The following ITGB1BP1 variants were observed in gnomAD, a reference collection of about 807,000 sequenced individuals.
ITGB1BP1 encodes integrin beta-1-binding protein 1.
A neutral mutation model predicts 28.0 loss-of-function variants in ITGB1BP1; 20 were observed. The ratio of observed to expected loss-of-function variants is 0.71; its 90% CI spans 0.50 to 1.04. The LOEUF (loss-of-function observed/expected upper bound fraction) is 1.04, where lower values mean the gene tolerates loss of function less well. ITGB1BP1 is among the 50% of genes least tolerant of loss of function. The probability of loss-of-function intolerance (pLI) is 0.00; values close to 1 mark genes in which losing one functional copy is unlikely to be tolerated. For missense variants in ITGB1BP1, 228 were observed against 242.5 expected (o/e 0.94, Z 0.40); for synonymous variants, 103 against 89.5 (o/e 1.15, Z -0.85).
chr2:9,419,240 C>A (rs533125906), intron 1 of ITGB1BP1, among the ~76,000 whole-genome samples: 1 of 152,348 alleles, frequency 6.6e-6, no homozygotes, highest in Non-Finnish European at 1.5e-5. Flanking sequence ...TCTTGTCCTA[C>A]AGGTGTGAAA....
At chr2:9,422,755 G>A in intron 1 of ITGB1BP1, 1 of 985,640 alleles carries the variant, frequency 1.0e-6, no homozygotes, top group East Asian at 1.1e-4. Flanking sequence ...CACGTGCCAT[G>A]CACGGTGCTA....
At chr2:9,411,993 G>A in intron 4 of ITGB1BP1, 1 of 292,062 alleles carries the variant, frequency 3.4e-6, no homozygotes, top group South Asian at 4.7e-5. Context: ...AGTGAGCCGA[G>A]ATTGCACCAC....
At chr2:9,413,707 T>C (rs951284226) in intron 3 of ITGB1BP1, among the ~76,000 whole-genome samples, 1 of 152,116 alleles carries the variant, frequency 6.6e-6, no homozygotes, top group Non-Finnish European at 1.5e-5. Flanking sequence ...CCTTAATTAC[T>C]TGTGTTGGTG....
chr2:9,418,589 C>T (rs1679430001), intron 2 of ITGB1BP1, 37 bp downstream of exon 2: 1 of 1,396,082 alleles, frequency 7.2e-7, no homozygotes, highest in African/African-American at 1.4e-5. Context: ...AAAACTCTCC[C>T]TGCTTTATGA....
intron 2 of ITGB1BP1, among the ~76,000 whole-genome samples, chr2:9,416,966 CA>C (rs1679217739): frequency 6.6e-6 from 1 of 152,066 alleles, no homozygotes; most frequent in Non-Finnish European, 1.5e-5. Context: ...CCATGAGTGC[CA>C]CCTCAAACTC....
chr2:9,407,933 G>A (rs1329817011), intron 5 of ITGB1BP1, 180 bp downstream of exon 5: 4 of 589,994 alleles, frequency 6.8e-6, no homozygotes, highest in African/African-American at 3.7e-5. Context: ...TCCAACACAG[G>A]AGAGAAAAGG....
chr2:9,418,756 A>C, intron 1 of ITGB1BP1, 24 bp from the exon 2 acceptor site: 1 of 1,483,584 alleles, frequency 6.7e-7, no homozygotes, highest in Non-Finnish European at 9.3e-7. Context: ...TATTGGTAAC[A>C]GTTACATCGG....
intron 2 of ITGB1BP1, among the ~76,000 whole-genome samples, chr2:9,417,597 T>G (rs1298623501): frequency 6.6e-6 from 1 of 152,104 alleles, no homozygotes; most frequent in Non-Finnish European, 1.5e-5. Flanking sequence ...TTTTGTATTT[T>G]TAGCAGAGAT....
intron 4 of ITGB1BP1, among the ~76,000 whole-genome samples, chr2:9,411,021 C>T (rs1480020768): frequency 6.6e-6 from 1 of 152,168 alleles, no homozygotes; most frequent in Non-Finnish European, 1.5e-5. Flanking sequence ...TCTAGAAACT[C>T]CAGAAGCAAT....
chr2:9,408,121 C>G lies in ITGB1BP1; in HGVS notation c.373G>C (p.Asp125His). The change falls in exon 5 of 7, where the codon GAT becomes CAT. Residue 125 changes from aspartate to histidine, a missense_variant. Transcript: ENST00000355346. ...SKYGIKVSTS[D>H]QYDVLHRHAL... ...TAAATTATATTACTTACATATTGAT[C>G]TGATGTTGATACTTTTATGCCATAC... The G allele has an allele frequency of 6.6e-7, 1 of 1,507,846 alleles. No individual in the cohort carries two copies. The highest frequency in any genetic ancestry group is 1.1e-5 in the South Asian group (1 of 88,226). 93.4% of individuals were successfully genotyped at this position (1,507,846 alleles called of 1,614,324 possible). A position where few individuals can be genotyped will look rare whatever the true frequency, so the allele number is the denominator to read the frequency against.
At chr2:9,409,835 T>A (rs1057009874) in intron 4 of ITGB1BP1, among the ~76,000 whole-genome samples, 1 of 148,756 alleles carries the variant, frequency 6.7e-6, no homozygotes, top group Non-Finnish European at 1.5e-5. Flanking sequence ...CAAACTACCG[T>A]GAGTTCTTTT....
At position 9,403,508 on chromosome 2, in the gene ITGB1BP1, T is replaced by C. The variant is rs1676928751; in HGVS notation, c.*3326A>G. The C allele has an allele frequency of 3.5e-6, 2 of 572,104 alleles. No individual in the cohort carries two copies. The highest frequency in any genetic ancestry group is 6.0e-6 in the Non-Finnish European group (2 of 330,706). The allele number at this position is 572,104 out of a possible 1,614,324, so 35.4% of individuals were successfully genotyped here. ...TATCAGTAATTGTTTTTATAATTTGTGGTTTTCATGAAACATTGCTATGCA... is the reference window on the plus strand; with the variant it reads ...TATCAGTAATTGTTTTTATAATTTGCGGTTTTCATGAAACATTGCTATGCA... On this transcript the variant is annotated 3_prime_UTR_variant, in exon 7 of 7. Coordinates refer to ENST00000355346, the MANE Select transcript of ITGB1BP1 (RefSeq NM_004763.5).
chr2:9,410,490 G>A (rs1458683535), intron 4 of ITGB1BP1, among the ~76,000 whole-genome samples: 1 of 152,158 alleles, frequency 6.6e-6, no homozygotes, highest in African/African-American at 2.4e-5. Context: ...CAGGGCTGGA[G>A]TGCAGTGGCA....
Position 9,418,769 on chromosome 2 carries a change from A to T in ITGB1BP1, c.-35-37T>A. 3.4e-6 allele frequency: 5 copies of T among 1,459,302 alleles called. No homozygotes were observed. The South Asian group carries it at 5.9e-5, about 17-fold the overall frequency. The allele number at this position is 1,459,302 out of a possible 1,614,324, so 90.4% of individuals were successfully genotyped here. ...AATATTGGTAACAGTTACATCGGGA[A>T]AAGCAACTTTTTTTTTTTTTTTTTT... On this transcript the variant is annotated intron_variant, in intron 1 of 6. Coordinates refer to ENST00000355346, the MANE Select transcript of ITGB1BP1 (RefSeq NM_004763.5).
At chr2:9,416,363 G>A (rs996214004) in intron 2 of ITGB1BP1, among the ~76,000 whole-genome samples, 7 of 151,980 alleles carry the variant, frequency 4.6e-5, no homozygotes, top group African/African-American at 7.3e-5. Context: ...TGAGATTAAC[G>A]TCTACACCAG....
At chr2:9,411,884 A>G (rs1485159202) in intron 4 of ITGB1BP1, among the ~76,000 whole-genome samples, 4 of 151,766 alleles carry the variant, frequency 2.6e-5, no homozygotes, top group Admixed American at 1.3e-4. Flanking sequence ...CTCTACTGAA[A>G]ATACAAAATT....
chr2:9,423,175 C>A lies in ITGB1BP1; in HGVS notation c.-36+198G>T, dbSNP rs532081494. The A allele has an allele frequency of 1.5e-4, 145 of 982,278 alleles. 2 individuals carry two copies. In the East Asian group the frequency reaches 9.1e-3, roughly 62 times the overall value. 60.8% of individuals were successfully genotyped at this position (982,278 alleles called of 1,614,324 possible). A position where few individuals can be genotyped will look rare whatever the true frequency, so the allele number is the denominator to read the frequency against. On this transcript the variant is annotated intron_variant, in intron 1 of 6. Transcript: ENST00000355346. ...TGCAGTCCGCAAGCCCACGCCCGAT[C>A]TGCGTGGTTCCAAGCTCCTCCACCC...
At chr2:9,417,128 T>C (rs1679239949) in intron 2 of ITGB1BP1, among the ~76,000 whole-genome samples, 1 of 151,994 alleles carries the variant, frequency 6.6e-6, no homozygotes, top group Non-Finnish European at 1.5e-5. Flanking sequence ...AAAACTTATA[T>C]AATATTCTGT....
rs1676939841 is a variant in ITGB1BP1, at chr2:9,403,628, A to T, written c.*3206T>A. 3.3e-6 allele frequency: 1 copy of T among 305,390 alleles called. No individual in the cohort carries two copies. Among genetic ancestry groups the T allele is most frequent in the Admixed American group, 4.8e-5 (1 of 20,948 alleles). The allele number at this position is 305,390 out of a possible 1,614,324, so 18.9% of individuals were successfully genotyped here. ...GATCCTGCCTCTACGGAATTAGCTAAACCTAAAAATGTTTGCATTAATGAA... is the reference window on the plus strand; with the variant it reads ...GATCCTGCCTCTACGGAATTAGCTATACCTAAAAATGTTTGCATTAATGAA... On this transcript the variant is annotated 3_prime_UTR_variant, in exon 7 of 7. Transcript: ENST00000355346.
Sources: gnomAD v4.1 joint callset for allele counts (sites outside exome capture counted in the v4.1 genomes callset) on GRCh38, gnomAD v4.1.1 for gene constraint, MANE v1.5 for transcripts, NCBI Gene and HGNC (gene_info 2026-07-23, HGNC 2026-07-21) for gene names.